The following MYBL2 variants were observed in gnomAD, a reference collection of about 807,000 sequenced individuals.
MYBL2 encodes myb-related protein B.
In MYBL2, 28 loss-of-function variants were observed where a neutral mutation model predicts 79.9. The observed-to-expected ratio is 0.35, with a 90% CI of 0.26 to 0.48. The LOEUF (loss-of-function observed/expected upper bound fraction) is 0.48, where lower values mean the gene tolerates loss of function less well. Among genes scored for constraint, MYBL2 ranks in the 20% least tolerant of loss-of-function variants. The pLI, the probability that MYBL2 is intolerant of heterozygous loss-of-function variation, is 0.99. For missense variants in MYBL2, 735 were observed against 893.9 expected, an observed-to-expected ratio of 0.82 and a Z score of 2.27; for synonymous variants, 378 against 361.2, an observed-to-expected ratio of 1.05 and a Z score of -0.53.
At chr20:43,706,303 C>T (rs1477633585) in intron 9 of MYBL2, among the ~76,000 whole-genome samples, 1 of 152,174 alleles carries the variant, frequency 6.6e-6, no homozygotes, top group Non-Finnish European at 1.5e-5. Context: ...GTCCTCTGAG[C>T]TTACGGAGCA....
intron 12 of MYBL2, among the ~76,000 whole-genome samples, chr20:43,713,714 G>T (rs1282842560): frequency 6.6e-6 from 1 of 152,148 alleles, no homozygotes; most frequent in Non-Finnish European, 1.5e-5. Context: ...GTATAGCCAG[G>T]CACTTGGGCA....
chr20:43,698,448 G>T (rs1327737467), intron 6 of MYBL2, among the ~76,000 whole-genome samples: 1 of 129,070 alleles, frequency 7.7e-6, no homozygotes, highest in Non-Finnish European at 1.5e-5. Context: ...CGCAGTCTCG[G>T]CTCACTGCAA....
chr20:43,706,348 T>C (rs1987783091), intron 9 of MYBL2, among the ~76,000 whole-genome samples: 1 of 152,160 alleles, frequency 6.6e-6, no homozygotes, highest in Non-Finnish European at 1.5e-5. Context: ...TACAGGTTGC[T>C]CGCCAGCCTG....
intron 6 of MYBL2, among the ~76,000 whole-genome samples, chr20:43,699,101 C>T (rs1298445076): frequency 3.3e-5 from 5 of 151,966 alleles, no homozygotes; most frequent in East Asian, 3.9e-4. Flanking sequence ...TGCAATGGTG[C>T]GATCTCAGCT....
At chr20:43,669,677 A>G (rs930289040) in intron 1 of MYBL2, among the ~76,000 whole-genome samples, 11 of 152,340 alleles carry the variant, frequency 7.2e-5, no homozygotes, top group South Asian at 2.1e-4. Flanking sequence ...GCCTGGCTCT[A>G]TGAACTTGGC....
chr20:43,712,924 A>G (rs12625913), intron 11 of MYBL2, 78 bp from the exon 12 acceptor site: 62,846 of 1,150,210 alleles, frequency 0.055, 1,992 homozygotes, highest in Middle Eastern at 0.094. Context: ...GTGACCATCC[A>G]TGGCCATGAC....
chr20:43,682,442 C>A (rs772862400), intron 3 of MYBL2, among the ~76,000 whole-genome samples: 2 of 152,392 alleles, frequency 1.3e-5, no homozygotes, highest in African/African-American at 4.8e-5. Flanking sequence ...TCATCTCCCC[C>A]TCTTCTGTGT....
intron 6 of MYBL2, among the ~76,000 whole-genome samples, chr20:43,694,832 A>G (rs1049391751): frequency 2.4e-4 from 36 of 152,318 alleles, no homozygotes; most frequent in African/African-American, 8.7e-4. Flanking sequence ...CCGTTCCACA[A>G]AGAGAAACAG....
intron 6 of MYBL2, among the ~76,000 whole-genome samples, chr20:43,696,476 C>T (rs1987544771): frequency 6.6e-6 from 1 of 152,274 alleles, no homozygotes; most frequent in African/African-American, 2.4e-5. Flanking sequence ...CCACCTTGGC[C>T]TCCCAAAATA....
Position 43,716,294 on chromosome 20 carries a change from A to C in MYBL2, c.*207A>C. 3 of 682,806 alleles carry C rather than the reference A, an allele frequency of 4.4e-6. No individual in the cohort carries two copies. The highest frequency in any genetic ancestry group is 4.2e-4 in the Middle Eastern group (1 of 2,384). 42.3% of individuals were successfully genotyped at this position (682,806 alleles called of 1,614,324 possible). A position where few individuals can be genotyped will look rare whatever the true frequency, so the allele number is the denominator to read the frequency against. Reference sequence around the variant, plus strand: ...TGGGCGGCTCCTGGTGCTAACAACAAAGTTCCACTTCCAGGTCTGCCTGGT... The same window carrying C: ...TGGGCGGCTCCTGGTGCTAACAACACAGTTCCACTTCCAGGTCTGCCTGGT... On this transcript the variant is annotated 3_prime_UTR_variant, in exon 14 of 14. Coordinates refer to ENST00000217026, the MANE Select transcript of MYBL2 (RefSeq NM_002466.4).
intron 1 of MYBL2, among the ~76,000 whole-genome samples, chr20:43,673,036 C>G (rs906190078): frequency 6.6e-6 from 1 of 152,086 alleles, no homozygotes; most frequent in Admixed American, 6.6e-5. Flanking sequence ...CTTCACCTCC[C>G]GGGTTCAAGC....
intron 1 of MYBL2, among the ~76,000 whole-genome samples, chr20:43,668,956 TC>T (rs1986790365): frequency 6.6e-6 from 1 of 152,138 alleles, no homozygotes; most frequent in South Asian, 2.1e-4. Context: ...AGCCTCTGCC[TC>T]CCGGGTTCAA....
At chr20:43,677,451 G>A (rs1987038346) in intron 2 of MYBL2, among the ~76,000 whole-genome samples, 1 of 152,236 alleles carries the variant, frequency 6.6e-6, no homozygotes, top group Non-Finnish European at 1.5e-5. Context: ...AGCTAAGGAT[G>A]AGGATTTGGA....
intron 3 of MYBL2, 45 bp downstream of exon 3, chr20:43,681,900 G>A (rs754817256): frequency 6.3e-7 from 1 of 1,597,808 alleles, no homozygotes; most frequent in Admixed American, 1.7e-5. Flanking sequence ...CAAGGGCTCT[G>A]GGAGAACAGT....
chr20:43,698,773 G>A (rs1184853894), intron 6 of MYBL2, among the ~76,000 whole-genome samples: 1 of 149,874 alleles, frequency 6.7e-6, no homozygotes, highest in Non-Finnish European at 1.5e-5. Flanking sequence ...AACTCAAGGG[G>A]TCCTCTTGCC....
intron 2 of MYBL2, among the ~76,000 whole-genome samples, chr20:43,678,145 A>G (rs1417476740): frequency 1.3e-5 from 2 of 152,066 alleles, no homozygotes; most frequent in Admixed American, 6.6e-5. Flanking sequence ...AATCTCAAGT[A>G]CCCAGGGACA....
intron 2 of MYBL2, among the ~76,000 whole-genome samples, chr20:43,678,885 T>C (rs868170296): frequency 1.8e-4 from 21 of 118,474 alleles, no homozygotes; most frequent in African/African-American, 7.5e-4. Flanking sequence ...GAAAAAAACA[T>C]ATAGAGCACA....
At chr20:43,693,353 A>T (rs974014530) in intron 6 of MYBL2, among the ~76,000 whole-genome samples, 1 of 151,518 alleles carries the variant, frequency 6.6e-6, no homozygotes, top group Non-Finnish European at 1.5e-5. Flanking sequence ...GTTTTTATTT[A>T]TTTATTTTTT....
intron 9 of MYBL2, among the ~76,000 whole-genome samples, chr20:43,706,449 C>T (rs1987784659): frequency 6.6e-6 from 1 of 152,024 alleles, no homozygotes; most frequent in African/African-American, 2.4e-5. Context: ...TTAACTATTC[C>T]TCTGCTTGAT....
Sources: gnomAD v4.1 joint callset for allele counts (sites outside exome capture counted in the v4.1 genomes callset) on GRCh38, gnomAD v4.1.1 for gene constraint, MANE v1.5 for transcripts, NCBI Gene and HGNC (gene_info 2026-07-23, HGNC 2026-07-21) for gene names.